The following COPA variants were observed in gnomAD, a reference collection of about 807,000 sequenced individuals.
COPA encodes coat protein complex I subunit alpha, also known as coatomer subunit alpha.
In COPA, 10 loss-of-function variants were observed where a neutral mutation model predicts 158.7. The ratio of observed to expected loss-of-function variants is 0.06; its 90% CI spans 0.04 to 0.11. The LOEUF is 0.11. Ranked by LOEUF, COPA falls within the 10% of genes least tolerant of loss-of-function variation. The probability of loss-of-function intolerance (pLI) is 1.00; values close to 1 mark genes in which losing one functional copy is unlikely to be tolerated. For synonymous variants in COPA, 462 were observed against 542.8 expected (o/e 0.85, Z 2.07); for missense variants, 1,065 against 1,536.7 (o/e 0.69, Z 5.13).
chr1:160,311,971 C>T lies in COPA; in HGVS notation c.973G>A (p.Ala325Thr). The T allele has an allele frequency of 6.2e-7, 1 of 1,614,016 alleles. No homozygotes were observed. The highest frequency in any genetic ancestry group is 8.5e-7 in the Non-Finnish European group (1 of 1,179,956). The change falls in exon 11 of 33, where the codon GCC becomes ACC. Residue 325 changes from alanine (A) to threonine (T), a missense_variant. Around this residue, in one of 2 missense-constraint regions of COPA, gnomAD observed 980 missense variants for 1,357.8 expected, o/e 0.72. Coordinates refer to ENST00000241704, the MANE Select transcript of COPA (RefSeq NM_004371.4). ...AGCATATTGCCATGAACAGCATAGG[C>T]TGGCCGTTCCCGTTCCAGCTTAAAC... ...IVFKLERERP[A>T]YAVHGNMLHY...
chr1:160,311,348 G>A (rs1658960309), intron 11 of COPA, among the ~76,000 whole-genome samples: 2 of 152,038 alleles, frequency 1.3e-5, no homozygotes, highest in African/African-American at 4.8e-5. Context: ...TGAGGCAGGA[G>A]AATTGCTTGA....
At chr1:160,319,375 C>A (rs1659258435) in intron 8 of COPA, among the ~76,000 whole-genome samples, 1 of 151,030 alleles carries the variant, frequency 6.6e-6, no homozygotes, top group East Asian at 1.9e-4. Context: ...CCAAAGCTCC[C>A]AAGTATATAA....
At chr1:160,303,612 A>G (rs1385400573) in intron 17 of COPA, among the ~76,000 whole-genome samples, 1 of 152,236 alleles carries the variant, frequency 6.6e-6, no homozygotes, top group Non-Finnish European at 1.5e-5. Flanking sequence ...GAATGGCTTT[A>G]TGATTTGGGA....
At chr1:160,323,356 C>T (rs1442948673) in intron 8 of COPA, 75 bp downstream of exon 8, 2 of 1,193,454 alleles carry the variant, frequency 1.7e-6, no homozygotes, top group African/African-American at 1.5e-5. Flanking sequence ...AGGTCAGAGT[C>T]CAGAAGACCT....
At chr1:160,295,413 A>G (rs1021254495) in intron 23 of COPA, among the ~76,000 whole-genome samples, 1 of 152,250 alleles carries the variant, frequency 6.6e-6, no homozygotes, top group Non-Finnish European at 1.5e-5. Flanking sequence ...TTAAGATTGT[A>G]TGTCATGAAT....
chr1:160,297,256 C>G (rs951655858), intron 21 of COPA, 87 bp downstream of exon 21: 42 of 1,140,854 alleles, frequency 3.7e-5, no homozygotes, highest in Admixed American at 1.3e-4. Context: ...AAGAGAAATC[C>G]CTCACCACTA....
intron 8 of COPA, among the ~76,000 whole-genome samples, chr1:160,321,766 C>A (rs904978956): frequency 6.6e-6 from 1 of 151,944 alleles, no homozygotes; most frequent in Non-Finnish European, 1.5e-5. Flanking sequence ...CCAGCCTGGG[C>A]AATAGAGCGA....
At position 160,323,474 on chromosome 1, in the gene COPA, T is replaced by A. The variant is rs762943238; in HGVS notation, c.663A>T (p.Val221=). The stretch of plus-strand genomic sequence containing the variant: ...TCACTTGACGATCATCTGCCCCAGA[T>A]ACAATAAGGGGCATAGTGGGGTGGA... ...AAFHPTMPLI[V]SGADDRQVKI... is the part of the protein sequence containing the mutation. The change falls in exon 8 of 33, where the codon GTA becomes GTT. Residue 221 remains valine, a synonymous_variant. Transcript: ENST00000241704. 1 of 1,610,548 alleles carries A rather than the reference T, an allele frequency of 6.2e-7. No individual in the cohort carries two copies. Among genetic ancestry groups the A allele is most frequent in the Admixed American group, 1.7e-5 (1 of 59,752 alleles).
chr1:160,332,757 T>TG (rs978403488), intron 5 of COPA, among the ~76,000 whole-genome samples, 200 bp from the exon 6 acceptor site: 10 of 152,250 alleles, frequency 6.6e-5, no homozygotes, highest in African/African-American at 2.4e-4. Flanking sequence ...TTGCCTCTAA[T>TG]GCTTTAGTAT....
intron 16 of COPA, 37 bp downstream of exon 16, chr1:160,305,651 T>C: frequency 1.2e-6 from 2 of 1,613,948 alleles, no homozygotes; most frequent in Non-Finnish European, 1.7e-6. Context: ...TGGAAGGGAA[T>C]GGTCTCTAAA....
chr1:160,316,943 C>T (rs1659162571), intron 8 of COPA, among the ~76,000 whole-genome samples: 1 of 151,870 alleles, frequency 6.6e-6, no homozygotes, highest in African/African-American at 2.4e-5. Flanking sequence ...AAAAGTCAAA[C>T]TCTCAAAAGT....
chr1:160,314,544 C>T (rs531181149), intron 8 of COPA, among the ~76,000 whole-genome samples: 1 of 152,222 alleles, frequency 6.6e-6, no homozygotes, highest in East Asian at 1.9e-4. Context: ...GGGGGAGGAT[C>T]GCCCAAGCCC....
chr1:160,322,989 GCACACACACACACA>G (rs112126446), intron 8 of COPA, among the ~76,000 whole-genome samples: 1 of 145,320 alleles, frequency 6.9e-6, no homozygotes, highest in African/African-American at 2.5e-5. Flanking sequence ...ACGCGCACGT[GCACACACACACACA>G]CACACACACA....
intron 31 of COPA, 33 bp downstream of exon 31, chr1:160,291,302 C>T (rs2101819586): frequency 1.9e-6 from 3 of 1,610,312 alleles, no homozygotes; most frequent in Middle Eastern, 4.1e-4. Context: ...GCTGATCTGG[C>T]TTCCCTATGG....
chr1:160,291,207 G>T, intron 31 of COPA, 128 bp downstream of exon 31: 1 of 1,012,560 alleles, frequency 9.9e-7, no homozygotes, highest in Non-Finnish European at 1.5e-6. Flanking sequence ...ACAGAGGGTA[G>T]CATTCTGTTG....
intron 28 of COPA, 106 bp downstream of exon 28, chr1:160,292,378 T>A: frequency 6.3e-7 from 1 of 1,585,254 alleles, no homozygotes; most frequent in Non-Finnish European, 8.5e-7. Flanking sequence ...CTTTTTCTAC[T>A]GGGAAACCCT....
chr1:160,340,365 A>C (rs531349912), intron 1 of COPA, 71 bp from the exon 2 acceptor site: 17 of 982,488 alleles, frequency 1.7e-5, no homozygotes, highest in Middle Eastern at 2.1e-4. Context: ...AATTCTGATA[A>C]GAAAAAGAAA....
rs1658170859 is a variant in COPA at position 160,290,051 on chromosome 1, C to T, written c.*106G>A. 1 of 1,028,898 alleles carries T rather than the reference C, an allele frequency of 9.7e-7. No homozygotes were observed. Among genetic ancestry groups the T allele is most frequent in the African/African-American group, 1.6e-5 (1 of 62,120 alleles). 63.7% of individuals were successfully genotyped at this position (1,028,898 alleles called of 1,614,324 possible). The stretch of plus-strand genomic sequence containing the variant: ...TACTAGGTTTTAGGGTACAGAGAGC[C>T]AGATCTGAAGAGTAGCTGCAGGGGG... On this transcript the variant is annotated 3_prime_UTR_variant, in exon 33 of 33. Transcript: ENST00000241704.
At chr1:160,303,205 GCAA>G (rs556977757) in intron 17 of COPA, among the ~76,000 whole-genome samples, 3 of 151,846 alleles carry the variant, frequency 2.0e-5, no homozygotes, top group South Asian at 2.1e-4. Flanking sequence ...TCTCAAAACA[GCAA>G]CAACAACAAC....
Sources: gnomAD v4.1 joint callset for allele counts (sites outside exome capture counted in the v4.1 genomes callset) on GRCh38, gnomAD v4.1.1 for gene constraint, gnomAD v4.1.1 regional missense constraint, MANE v1.5 for transcripts, NCBI Gene and HGNC (gene_info 2026-07-23, HGNC 2026-07-21) for gene names.